The following COLEC10 variants were observed in gnomAD, a reference collection of about 807,000 sequenced individuals.
The protein encoded by COLEC10 is collectin-10.
COLEC10 carries 22 observed loss-of-function variants against 28.4 expected under a neutral mutation model. The ratio of observed to expected loss-of-function variants is 0.78; its 90% CI spans 0.55 to 1.11. COLEC10 has a LOEUF of 1.11. COLEC10 is among the 50% of genes least tolerant of loss of function. COLEC10 has a pLI of 0.00. For synonymous variants in COLEC10, 125 were observed against 116.1 expected (o/e 1.08, Z -0.49); for missense variants, 361 against 344.1 (o/e 1.05, Z -0.39).
intron 2 of COLEC10, among the ~76,000 whole-genome samples, chr8:119,025,587 G>A (rs1362449413): frequency 6.6e-6 from 1 of 152,150 alleles, no homozygotes; most frequent in African/African-American, 2.4e-5. Flanking sequence ...TGGACACCAG[G>A]CACAAAGTGA....
At chr8:119,014,915 TAA>T (rs890226934) in intron 2 of COLEC10, among the ~76,000 whole-genome samples, 1 of 151,254 alleles carries the variant, frequency 6.6e-6, no homozygotes, top group Non-Finnish European at 1.5e-5. Context: ...CACTTATTTT[TAA>T]TTCTTTCTTA....
chr8:118,967,932 C>A, the COLEC10 span, among the ~76,000 whole-genome samples: 1 of 151,962 alleles, frequency 6.6e-6, no homozygotes. Flanking sequence ...TTAGTTCCTG[C>A]AGCCTAGGGG....
chr8:118,969,187 C>T, the COLEC10 span, among the ~76,000 whole-genome samples: 13 of 151,880 alleles, frequency 8.6e-5, no homozygotes, highest in Admixed American at 2.6e-4. Flanking sequence ...CCTCTGGAAG[C>T]GAATAAAGGA....
chr8:119,086,750 G>A (rs1340322935), intron 1 of COLEC10, among the ~76,000 whole-genome samples: 1 of 152,192 alleles, frequency 6.6e-6, no homozygotes, highest in Non-Finnish European at 1.5e-5. Flanking sequence ...TCACATCTGT[G>A]TGGCATTTTG....
chr8:119,062,337 A>C (rs534654761), upstream of COLEC10, among the ~76,000 whole-genome samples: 1 of 152,288 alleles, frequency 6.6e-6, no homozygotes, highest in South Asian at 2.1e-4. Context: ...AGAAGCACTA[A>C]AATAATTAAA....
chr8:119,100,843 C>T (rs1815811545), intron 3 of COLEC10, among the ~76,000 whole-genome samples: 1 of 152,176 alleles, frequency 6.6e-6, no homozygotes, highest in South Asian at 2.1e-4. Flanking sequence ...GTATTCTGGA[C>T]TTCAAGGACC....
intron 1 of COLEC10, among the ~76,000 whole-genome samples, chr8:119,080,751 C>T (rs1027995587): frequency 2.6e-5 from 4 of 152,108 alleles, no homozygotes; most frequent in South Asian, 2.1e-4. Context: ...CCTTCCCTCT[C>T]TGAACCCTCT....
intron 1 of COLEC10, among the ~76,000 whole-genome samples, chr8:119,070,229 A>G (rs922926554): frequency 6.6e-6 from 1 of 152,130 alleles, no homozygotes; most frequent in Non-Finnish European, 1.5e-5. Flanking sequence ...AAGAATTATG[A>G]TAACCAATGT....
intron 2 of COLEC10, among the ~76,000 whole-genome samples, chr8:119,025,248 C>A (rs1263976187): frequency 6.6e-6 from 1 of 152,206 alleles, no homozygotes; most frequent in Non-Finnish European, 1.5e-5. Context: ...AGTGGAAAAT[C>A]TGAAATGTTC....
intron 4 of COLEC10, among the ~76,000 whole-genome samples, chr8:119,103,589 C>T (rs569011068): frequency 5.9e-5 from 9 of 151,946 alleles, no homozygotes; most frequent in Non-Finnish European, 1.0e-4. Flanking sequence ...TCTTATAGTT[C>T]ATTCAAAACA....
chr8:119,066,752 CAA>C (rs1370440183), upstream of COLEC10, among the ~76,000 whole-genome samples: 1 of 152,116 alleles, frequency 6.6e-6, no homozygotes. Flanking sequence ...AATTTAATCA[CAA>C]GAGAATAATC....
chr8:119,105,512 T>C (rs1412549272), intron 5 of COLEC10, among the ~76,000 whole-genome samples: 1 of 152,062 alleles, frequency 6.6e-6, no homozygotes, highest in East Asian at 1.9e-4. Context: ...AAATATAGTA[T>C]GAGATGGGCT....
intron 2 of COLEC10, among the ~76,000 whole-genome samples, chr8:119,019,028 G>A (rs1478868035): frequency 1.3e-5 from 2 of 152,112 alleles, no homozygotes; most frequent in Admixed American, 6.6e-5. Flanking sequence ...AAGAAAAGAT[G>A]CCTACTATCT....
intron 2 of COLEC10, among the ~76,000 whole-genome samples, chr8:119,044,844 A>C (rs77937113): frequency 7.0e-6 from 1 of 142,272 alleles, no homozygotes; most frequent in Non-Finnish European, 1.5e-5. Flanking sequence ...GACTGTCTCC[A>C]AAAAAAAAAA....
chr8:118,996,244 G>C (rs1247272533), intron 1 of COLEC10, among the ~76,000 whole-genome samples: 1 of 152,136 alleles, frequency 6.6e-6, no homozygotes, highest in African/African-American at 2.4e-5. Flanking sequence ...TCCATTGTGT[G>C]TACATACAAC....
chr8:119,035,617 C>T (rs1460351131), intron 2 of COLEC10, among the ~76,000 whole-genome samples: 2 of 152,184 alleles, frequency 1.3e-5, no homozygotes, highest in African/African-American at 4.8e-5. Context: ...TGCCCCAACT[C>T]AGTCATTTTG....
intron 2 of COLEC10, among the ~76,000 whole-genome samples, chr8:119,019,358 A>AGG: frequency 6.6e-6 from 1 of 152,282 alleles, no homozygotes; most frequent in East Asian, 1.9e-4. Flanking sequence ...GAGGAAGGGA[A>AGG]GGGAGGGATA....
At position 119,012,042 on chromosome 8, in the gene COLEC10, G is replaced by A. The variant is rs975284397; in HGVS notation, n.235+2489G>A. On this transcript the variant is annotated intron_variant and non_coding_transcript_variant, in intron 2 of 6. Coordinates refer to the COLEC10 transcript ENST00000521788. ...GAGAGGATATCCTTGCCTTATTCTT[G>A]ATTTTAGCAGGAAAGCTTAGAGTTT... Among the ~76,000 whole-genome samples the A allele has an allele frequency of 1.3e-4, 19 of 150,698 alleles. 2 individuals carry two copies. Among genetic ancestry groups the A allele is most frequent in the African/African-American group, 4.7e-4 (19 of 40,352 alleles).
the COLEC10 span, among the ~76,000 whole-genome samples, chr8:118,978,966 C>T: frequency 6.6e-6 from 1 of 151,914 alleles, no homozygotes; most frequent in African/African-American, 2.4e-5. Context: ...TGTCGCTTAT[C>T]TTCTGATTTT....
Sources: gnomAD v4.1 joint callset for allele counts (sites outside exome capture counted in the v4.1 genomes callset) on GRCh38, gnomAD v4.1.1 for gene constraint, MANE v1.5 for transcripts, NCBI Gene and HGNC (gene_info 2026-07-23, HGNC 2026-07-21) for gene names.